MEGF11: variants seen among roughly 807,000 people sequenced by gnomAD.
The protein encoded by MEGF11 is multiple epidermal growth factor-like domains protein 11.
In MEGF11, 126 loss-of-function variants were observed where a neutral mutation model predicts 146.6. The ratio of observed to expected loss-of-function variants is 0.86; its 90% CI spans 0.74 to 1.00. The LOEUF (loss-of-function observed/expected upper bound fraction) is 1.00. Among genes scored for constraint, MEGF11 ranks in the 50% least tolerant of loss-of-function variants. MEGF11 has a pLI of 0.00. For missense variants in MEGF11, 1,509 were observed against 1,521.2 expected, an observed-to-expected ratio of 0.99 and a Z score of 0.13; for synonymous variants, 532 against 583.4, an observed-to-expected ratio of 0.91 and a Z score of 1.27.
chr15:66,094,598 G>A (rs1204973302), intron 4 of MEGF11, 104 bp from the exon 5 acceptor site: 2 of 975,856 alleles, frequency 2.0e-6, no homozygotes, highest in Non-Finnish European at 3.1e-6. Context: ...CTGGTGCCCA[G>A]GGATGCTTAG....
intron 5 of MEGF11, among the ~76,000 whole-genome samples, chr15:66,012,839 C>A (rs1039538875): frequency 6.6e-6 from 1 of 152,206 alleles, no homozygotes; most frequent in African/African-American, 2.4e-5. Context: ...CCATCCCAGA[C>A]TTTGCCAGCT....
chr15:65,997,759 A>C (rs72742867), intron 5 of MEGF11, among the ~76,000 whole-genome samples: 13,153 of 152,266 alleles, frequency 0.086, 760 homozygotes, highest in Middle Eastern at 0.18. Flanking sequence ...TGAGTGAATA[A>C]ATTAACAAGT....
At chr15:66,003,080 G>A (rs996781136) in intron 5 of MEGF11, among the ~76,000 whole-genome samples, 1 of 151,162 alleles carries the variant, frequency 6.6e-6, no homozygotes, top group Non-Finnish European at 1.5e-5. Flanking sequence ...TGCAATCTCT[G>A]CCTCCTGGGT....
At chr15:66,090,766 G>A (rs556121250) in intron 5 of MEGF11, among the ~76,000 whole-genome samples, 247 of 152,316 alleles carry the variant, frequency 1.6e-3, no homozygotes, top group Non-Finnish European at 2.9e-3. Context: ...ATTCTGTAAG[G>A]CCATTACAAA....
chr15:65,897,969 G>T lies in MEGF11; in HGVS notation c.3388C>A (p.Pro1130Thr). 1 of 1,613,988 alleles carries T rather than the reference G, an allele frequency of 6.2e-7. No individual in the cohort carries two copies. Among genetic ancestry groups the T allele is most frequent in the Non-Finnish European group, 8.5e-7 (1 of 1,179,848 alleles). ...HYDLLPVRQS[P>T]ANGPSQDKQS ...TTGTCCTGGGACGGCCCATTGGCAG[G>T]GCTCTGTCTTACTGGGAGGAGGTCA... The change falls in exon 26 of 26, where the codon CCT becomes ACT. Residue 1130 changes from proline to threonine, a missense_variant. By Grantham distance (38) the Pro-to-Thr change is conservative. Transcript: ENST00000395614.
At chr15:66,197,453 C>T (rs2091036118) in intron 1 of MEGF11, among the ~76,000 whole-genome samples, 1 of 152,124 alleles carries the variant, frequency 6.6e-6, no homozygotes, top group African/African-American at 2.4e-5. Context: ...AGACGAGTCT[C>T]GCTCTATCGC....
chr15:66,052,054 G>A (rs2084468614), intron 5 of MEGF11, among the ~76,000 whole-genome samples: 1 of 152,208 alleles, frequency 6.6e-6, no homozygotes, highest in Admixed American at 6.5e-5. Context: ...CATGCATCAT[G>A]AGGAGGCAAC....
At chr15:66,116,181 T>C (rs2087719604) in intron 4 of MEGF11, among the ~76,000 whole-genome samples, 2 of 151,858 alleles carry the variant, frequency 1.3e-5, no homozygotes, top group Non-Finnish European at 2.9e-5. Flanking sequence ...CAAGGCCCCG[T>C]GAAGCAGGTG....
intron 1 of MEGF11, among the ~76,000 whole-genome samples, chr15:66,141,278 GTGTGTGTGT>G (rs2089146780): frequency 1.5e-5 from 2 of 134,176 alleles, no homozygotes; most frequent in African/African-American, 5.3e-5. Flanking sequence ...GTGTGTGTGT[GTGTGTGTGT>G]GTGAGAGAGA....
chr15:66,074,209 C>T (rs769635541), intron 5 of MEGF11, among the ~76,000 whole-genome samples: 2 of 152,076 alleles, frequency 1.3e-5, no homozygotes, highest in Non-Finnish European at 2.9e-5. Context: ...ATGAATGGAC[C>T]GATAAATAAC....
chr15:65,991,553 G>A (rs1368417485), intron 5 of MEGF11, among the ~76,000 whole-genome samples: 1 of 152,216 alleles, frequency 6.6e-6, no homozygotes, highest in Non-Finnish European at 1.5e-5. Context: ...CGAGATGCCA[G>A]TAGTACCTCC....
intron 10 of MEGF11, among the ~76,000 whole-genome samples, chr15:65,942,450 C>A (rs767460563): frequency 6.6e-6 from 1 of 152,036 alleles, no homozygotes; most frequent in African/African-American, 2.4e-5. Context: ...GCTAAGATGG[C>A]GGAATAACAG....
At chr15:66,082,813 C>T (rs2085948743) in intron 5 of MEGF11, among the ~76,000 whole-genome samples, 2 of 152,224 alleles carry the variant, frequency 1.3e-5, no homozygotes, top group South Asian at 2.1e-4. Flanking sequence ...CTCCCTCCAC[C>T]TCTCATTCAT....
chr15:66,042,403 C>A (rs992918120), intron 5 of MEGF11, among the ~76,000 whole-genome samples: 2 of 152,110 alleles, frequency 1.3e-5, no homozygotes, highest in African/African-American at 4.8e-5. Context: ...AGCCACCACA[C>A]CCGGCCAAGA....
chr15:66,245,609 G>GCAA (rs765995500), intron 1 of MEGF11, among the ~76,000 whole-genome samples: 5 of 152,120 alleles, frequency 3.3e-5, no homozygotes, highest in Non-Finnish European at 7.4e-5. Flanking sequence ...ACCAGCCTGG[G>GCAA]CAACAGTGTG....
At chr15:66,019,987 G>A (rs1020972354) in intron 5 of MEGF11, among the ~76,000 whole-genome samples, 2 of 152,174 alleles carry the variant, frequency 1.3e-5, no homozygotes, top group South Asian at 4.1e-4. Context: ...GTAAGCACAC[G>A]GAGGTGGGGT....
At chr15:66,038,690 C>T (rs117609724) in intron 5 of MEGF11, among the ~76,000 whole-genome samples, 2,711 of 152,200 alleles carry the variant, frequency 0.018, 38 homozygotes, top group Non-Finnish European at 0.031. Context: ...CAAGGTCACA[C>T]CTATTATGAA....
intron 1 of MEGF11, among the ~76,000 whole-genome samples, chr15:66,167,202 G>A (rs1403671808): frequency 6.6e-6 from 1 of 152,196 alleles, no homozygotes; most frequent in Non-Finnish European, 1.5e-5. Flanking sequence ...GGTAAAGAAA[G>A]AAAGTGCCCA....
At chr15:65,955,918 T>G (rs984627882) in intron 10 of MEGF11, among the ~76,000 whole-genome samples, 1 of 149,018 alleles carries the variant, frequency 6.7e-6, no homozygotes, top group South Asian at 2.2e-4. Context: ...TATTTTCCAC[T>G]TCACATCTCA....
Sources: allele counts gnomAD v4.1 joint callset (sites outside exome capture counted in the v4.1 genomes callset), GRCh38; gene constraint gnomAD v4.1.1; transcripts MANE v1.5; gene names NCBI Gene and HGNC (gene_info 2026-07-23, HGNC 2026-07-21).